XRCC5: variants seen among roughly 807,000 people sequenced by gnomAD.
XRCC5 encodes DNA repair protein Ku80.
Under a neutral mutation model 95.7 loss-of-function variants are expected in XRCC5, and 12 were observed. The ratio of observed to expected loss-of-function variants is 0.13; its 90% confidence interval spans 0.08 to 0.20. The LOEUF is 0.20. XRCC5 is among the 10% of genes least tolerant of loss of function. XRCC5 has a pLI of 1.00. For synonymous variants in XRCC5, 281 were observed against 290.3 expected, an observed-to-expected ratio of 0.97 and a Z score of 0.33; for missense variants, 595 against 873.9, an observed-to-expected ratio of 0.68 and a Z score of 4.02.
rs56170971 is a variant in XRCC5 at position 216,113,004 on chromosome 2, C to T, written c.22-12C>T. The T allele has an allele frequency of 6.2e-7, 1 of 1,604,694 alleles. No individual in the cohort carries two copies. Among genetic ancestry groups the T allele is most frequent in the African/African-American group, 1.3e-5 (1 of 74,742 alleles). On this transcript the variant is annotated splice_polypyrimidine_tract_variant and intron_variant, in intron 1 of 20. Coordinates refer to ENST00000392132, the MANE Select transcript of XRCC5 (RefSeq NM_021141.4). Reference sequence around the variant, plus strand: ...TTATTTTCTCAAACACTCTTTGGAACTTTGTTTCCAGGCAGCTGTTGTGCT... The same window carrying T: ...TTATTTTCTCAAACACTCTTTGGAATTTTGTTTCCAGGCAGCTGTTGTGCT...
At position 216,141,950 on chromosome 2, in the gene XRCC5, A is replaced by G. The variant is rs182690750; in HGVS notation, c.1476+631A>G. On this transcript the variant is annotated intron_variant, in intron 13 of 20. Transcript: ENST00000392132. ...GTGCCTGTAATCCGAGCTTCTCAGG[A>G]GGCTGAAGTGGGAGAATTGCTTGAA... 2.8e-3 allele frequency among the ~76,000 whole-genome samples: 420 copies of G among 152,172 alleles called. 6 individuals are homozygous for G. Among genetic ancestry groups the G allele is most frequent in the Non-Finnish European group, 2.4e-3 (164 of 68,000 alleles).
At chr2:216,196,546 A>G (rs1379578813) in intron 19 of XRCC5, among the ~76,000 whole-genome samples, 1 of 152,084 alleles carries the variant, frequency 6.6e-6, no homozygotes, top group African/African-American at 2.4e-5. Context: ...ACACACATAT[A>G]TATAGAGAGA....
intron 14 of XRCC5, chr2:216,156,479 C>T (rs1471522830): frequency 1.5e-6 from 1 of 667,116 alleles, no homozygotes; most frequent in Admixed American, 1.8e-5. Context: ...ACATAAGCCT[C>T]ATCGATGCTG....
In XRCC5 at chr2:216,116,626, T is replaced by C. The variant is rs374963367; in HGVS notation, c.136-33T>C. ...TTTTATTGCTTCCAGATTGTTCTAATATGGTTTTCAGCCATCTGACATTTT... is the reference window on the plus strand; with the variant it reads ...TTTTATTGCTTCCAGATTGTTCTAACATGGTTTTCAGCCATCTGACATTTT... On this transcript the variant is annotated intron_variant, in intron 2 of 20. Transcript: ENST00000392132. The C allele has an allele frequency of 2.6e-5, 42 of 1,613,598 alleles. No individual in the cohort carries two copies. In the African/African-American group the frequency reaches 3.7e-4, roughly 14 times the overall value.
chr2:216,174,890 G>T, intron 16 of XRCC5: 1 of 330,312 alleles, frequency 3.0e-6, no homozygotes. Context: ...CCTCTCTGCT[G>T]TTTTTAGAAC....
In XRCC5 at chr2:216,136,926, A is replaced by G. The variant is rs1189280948; in HGVS notation, c.1114-162A>G. ...GTTAAGTCCCAGAAGAGCTACAGTA[A>G]ATGTAATCAAAAGCAAATGTGTGCA... is the stretch of plus-strand genomic sequence containing the variant. On this transcript the variant is annotated intron_variant, in intron 10 of 20. Coordinates refer to ENST00000392132, the MANE Select transcript of XRCC5 (RefSeq NM_021141.4). Among the ~76,000 whole-genome samples, 3 of 152,214 alleles carry G rather than the reference A, an allele frequency of 2.0e-5. No homozygotes were observed. The South Asian group carries it at 6.2e-4, about 32-fold the overall frequency.
intron 16 of XRCC5, among the ~76,000 whole-genome samples, chr2:216,185,186 C>T (rs776332838): frequency 5.9e-5 from 9 of 152,180 alleles, no homozygotes; most frequent in Non-Finnish European, 1.3e-4. Flanking sequence ...CCCGGGGTTA[C>T]AGCACCATTC....
At chr2:216,151,390 T>A (rs753822976) in intron 14 of XRCC5, among the ~76,000 whole-genome samples, 1 of 152,198 alleles carries the variant, frequency 6.6e-6, no homozygotes, top group African/African-American at 2.4e-5. Flanking sequence ...TACGTGATCT[T>A]GATTTCTGTT....
chr2:216,134,677 C>T (rs998389073), intron 10 of XRCC5, among the ~76,000 whole-genome samples: 36 of 151,412 alleles, frequency 2.4e-4, no homozygotes, highest in Middle Eastern at 3.2e-3. Flanking sequence ...GATCCACCCC[C>T]CCCCCTCCTC....
intron 14 of XRCC5, among the ~76,000 whole-genome samples, chr2:216,155,898 C>A (rs1377056223): frequency 1.3e-5 from 2 of 151,962 alleles, no homozygotes; most frequent in Non-Finnish European, 2.9e-5. Context: ...ACGAGAAGGG[C>A]CTGGCACAGC....
intron 18 of XRCC5, 143 bp from the exon 19 acceptor site, chr2:216,194,776 G>A (rs778828212): frequency 1.6e-4 from 121 of 755,250 alleles, no homozygotes; most frequent in Non-Finnish European, 1.4e-4. Context: ...TCTGAGACCA[G>A]CCTGGGCAAC....
At chr2:216,150,562 G>A (rs924574931) in intron 14 of XRCC5, among the ~76,000 whole-genome samples, 1 of 152,144 alleles carries the variant, frequency 6.6e-6, no homozygotes, top group East Asian at 1.9e-4. Flanking sequence ...CCCGTGCAGT[G>A]TGTTACTATA....
In XRCC5 at chr2:216,131,642, C is replaced by T. The variant is rs41296364; in HGVS notation, c.1050+655C>T. On this transcript the variant is annotated intron_variant, in intron 9 of 20. Transcript: ENST00000392132. ...AATTTCTCTTTCTTTCAACCCTTCCCCTCTAAGTCTTCACTCAAGCCTCTA... is the reference window on the plus strand; with the variant it reads ...AATTTCTCTTTCTTTCAACCCTTCCTCTCTAAGTCTTCACTCAAGCCTCTA... Among the ~76,000 whole-genome samples, 639 of 152,252 alleles carry T rather than the reference C, an allele frequency of 4.2e-3. 1 individual carries two copies. The highest frequency in any genetic ancestry group is 7.5e-3 in the Non-Finnish European group (511 of 68,018).
chr2:216,195,080 A>T (rs554818307), intron 19 of XRCC5, 94 bp downstream of exon 19: 255 of 1,141,012 alleles, frequency 2.2e-4, no homozygotes, highest in African/African-American at 1.8e-3. Context: ...ATGGGTAACT[A>T]AATTAGTGTA....
chr2:216,201,194 G>A (rs752132656), intron 19 of XRCC5, among the ~76,000 whole-genome samples: 8 of 152,222 alleles, frequency 5.3e-5, no homozygotes, highest in Non-Finnish European at 7.3e-5. Context: ...CACCATGTTA[G>A]TGTTTATAGC....
chr2:216,165,129 T>C (rs1438070433), intron 16 of XRCC5, among the ~76,000 whole-genome samples: 1 of 152,218 alleles, frequency 6.6e-6, no homozygotes, highest in East Asian at 1.9e-4. Context: ...TTCAAACACA[T>C]GTCTCTTTCA....
intron 5 of XRCC5, among the ~76,000 whole-genome samples, chr2:216,119,630 CATGTTT>C (rs1439501233): frequency 1.3e-5 from 2 of 151,928 alleles, no homozygotes; most frequent in Non-Finnish European, 2.9e-5. Flanking sequence ...AAATACATAA[CATGTTT>C]ATGTTTAACT....
intron 10 of XRCC5, 74 bp from the exon 11 acceptor site, chr2:216,137,013 TC>T: frequency 6.6e-7 from 1 of 1,517,190 alleles, no homozygotes; most frequent in East Asian, 2.3e-5. Context: ...GTGATAACAG[TC>T]TTAAAGTATT....
In XRCC5 at chr2:216,130,891, T is replaced by G; in HGVS notation, c.954T>G (p.Ser318Arg). The change falls in exon 9 of 21, where the codon AGT (serine) becomes AGG (arginine). Residue 318 changes from serine (S) to arginine (R), a missense_variant. This residue lies in a region of XRCC5 where 286 missense variants were observed against 491.1 expected (regional missense o/e 0.58). Transcript: ENST00000392132. Reference protein sequence around the residue: ...EDIIQGFRYGSDIVPFSKVDE... With the variant: ...EDIIQGFRYGRDIVPFSKVDE... ...TTTCTCCAGGGTTCCGCTATGGAAG[T>G]GATATAGTTCCTTTCTCTAAAGTGG... 1 of 1,609,792 alleles carries G rather than the reference T, an allele frequency of 6.2e-7. No homozygotes were observed.
Sources: gnomAD v4.1 joint callset for allele counts (sites outside exome capture counted in the v4.1 genomes callset) on GRCh38, gnomAD v4.1.1 for gene constraint, gnomAD v4.1.1 regional missense constraint, MANE v1.5 for transcripts, NCBI Gene and HGNC (gene_info 2026-07-23, HGNC 2026-07-21) for gene names.